The following SYCP1 variants were observed in gnomAD, a reference collection of about 807,000 sequenced individuals.
SYCP1 encodes cancer/testis antigen 8.
A neutral mutation model predicts 153.1 loss-of-function variants in SYCP1; 64 were observed. That is an observed-to-expected ratio of 0.42 (90% confidence interval 0.34 to 0.51). The LOEUF (loss-of-function observed/expected upper bound fraction) is 0.51, where lower values mean the gene tolerates loss of function less well. Ranked by LOEUF, SYCP1 falls within the 20% of genes least tolerant of loss-of-function variation. The pLI is 0.06. For synonymous variants in SYCP1, 384 were observed against 341.8 expected, an observed-to-expected ratio of 1.12 and a Z score of -1.36; for missense variants, 997 against 1,049.0, an observed-to-expected ratio of 0.95 and a Z score of 0.68.
intron 8 of SYCP1, among the ~76,000 whole-genome samples, chr1:114,866,083 T>G (rs949772178): frequency 5.3e-5 from 8 of 152,204 alleles, no homozygotes; most frequent in Non-Finnish European, 8.8e-5. Flanking sequence ...TCCATTCACT[T>G]ACTAAAGGAC....
chr1:114,944,717 C>T (rs1182217483), intron 24 of SYCP1, among the ~76,000 whole-genome samples, 155 bp from the exon 25 acceptor site: 1 of 151,676 alleles, frequency 6.6e-6, no homozygotes, highest in African/African-American at 2.4e-5. Flanking sequence ...CATAAAACAC[C>T]CCGAAAAAAC....
chr1:114,918,980 A>G (rs1205525791), intron 20 of SYCP1, among the ~76,000 whole-genome samples: 2 of 151,994 alleles, frequency 1.3e-5, no homozygotes, highest in African/African-American at 2.4e-5. Flanking sequence ...TTCTTTTCCA[A>G]TTTGAATGCC....
At chr1:114,928,211 A>C (rs1246485567) in intron 23 of SYCP1, among the ~76,000 whole-genome samples, 1 of 152,198 alleles carries the variant, frequency 6.6e-6, no homozygotes, top group East Asian at 1.9e-4. Context: ...AATCCAAAGC[A>C]AGATAGGCAC....
At chr1:114,880,982 T>TAG (rs1665877983) in intron 12 of SYCP1, among the ~76,000 whole-genome samples, 1 of 151,542 alleles carries the variant, frequency 6.6e-6, no homozygotes, top group Non-Finnish European at 1.5e-5. Context: ...TATCAAAAAT[T>TAG]TAAGTAGATA....
At chr1:114,938,841 A>C (rs1670203230) in intron 23 of SYCP1, among the ~76,000 whole-genome samples, 1 of 152,150 alleles carries the variant, frequency 6.6e-6, no homozygotes, top group African/African-American at 2.4e-5. Flanking sequence ...TAATCATTGC[A>C]AATCAAAATC....
intron 28 of SYCP1, 59 bp downstream of exon 28, chr1:114,977,675 A>G: frequency 2.7e-6 from 3 of 1,103,346 alleles, no homozygotes; most frequent in Non-Finnish European, 3.8e-6. Context: ...ACTTCTACTT[A>G]GAAATGATTT....
intron 23 of SYCP1, among the ~76,000 whole-genome samples, chr1:114,940,665 T>C (rs1453052465): frequency 6.6e-6 from 1 of 152,232 alleles, no homozygotes; most frequent in Non-Finnish European, 1.5e-5. Flanking sequence ...TTGAAATTTA[T>C]TGATATTTGC....
intron 8 of SYCP1, among the ~76,000 whole-genome samples, chr1:114,871,376 C>T (rs947168554): frequency 6.6e-6 from 1 of 151,960 alleles, no homozygotes; most frequent in Non-Finnish European, 1.5e-5. Context: ...TCATGTTGGC[C>T]AGGCTGGTCT....
At chr1:114,951,109 C>A (rs952588370) in intron 27 of SYCP1, among the ~76,000 whole-genome samples, 1 of 152,154 alleles carries the variant, frequency 6.6e-6, no homozygotes, top group African/African-American at 2.4e-5. Context: ...CAGGCGTGAG[C>A]CACCACGCCC....
intron 12 of SYCP1, among the ~76,000 whole-genome samples, chr1:114,881,164 A>G (rs910822036): frequency 6.6e-6 from 1 of 151,956 alleles, no homozygotes. Context: ...TAGTGCTACA[A>G]TATGTGTATT....
rs144859838 is a variant in SYCP1, at chr1:114,942,611, G to T, written c.1927-1728G>T. Among the ~76,000 whole-genome samples the T allele has an allele frequency of 1.6e-3, 250 of 151,996 alleles. 2 individuals are homozygous for T. The highest frequency in any genetic ancestry group is 5.7e-3 in the African/African-American group (237 of 41,524). ...AGAAGTGATATTGCAGATATGTAGTGCTAGAACATTTGACTATCTATATGG... is the reference window on the plus strand; with the variant it reads ...AGAAGTGATATTGCAGATATGTAGTTCTAGAACATTTGACTATCTATATGG... On this transcript the variant is annotated intron_variant, in intron 23 of 31. Coordinates refer to ENST00000369522, the MANE Select transcript of SYCP1 (RefSeq NM_003176.4).
chr1:114,859,174 G>A (rs561963418), intron 6 of SYCP1, among the ~76,000 whole-genome samples: 3 of 152,106 alleles, frequency 2.0e-5, no homozygotes, highest in Non-Finnish European at 4.4e-5. Flanking sequence ...TGCAACCTTC[G>A]CCTCCCTGGT....
At position 114,886,218 on chromosome 1, in the gene SYCP1, A is replaced by G. The variant is rs1415550348; in HGVS notation, c.1099A>G (p.Asn367Asp). Residue 367 changes from asparagine (N) to aspartate (D), a missense_variant, in exon 14 of 32, where the codon AAT becomes GAT. Asn to Asp is a conservative substitution (Grantham distance 23, BLOSUM62 1). Transcript: ENST00000369522. ...EEKETQMEES[N>D]KARAAHSFVV... is the part of the protein sequence containing the mutation. ...AAAAGAAACTCAAATGGAAGAATCT[A>G]ATAAAGCTAGAGCTGCTCATTCGTT... 2.5e-6 allele frequency: 4 copies of G among 1,611,986 alleles called. No homozygotes were observed. In the African/African-American group the frequency reaches 4.0e-5, roughly 16 times the overall value.
At chr1:114,923,642 C>T (rs1669053401) in intron 21 of SYCP1, 112 bp downstream of exon 21, 3 of 1,084,804 alleles carry the variant, frequency 2.8e-6, no homozygotes, top group African/African-American at 1.7e-5. Context: ...TAATAGTGAT[C>T]TAGAGACTGT....
intron 9 of SYCP1, among the ~76,000 whole-genome samples, chr1:114,875,819 A>G (rs1665490908): frequency 6.6e-6 from 1 of 152,214 alleles, no homozygotes. Context: ...TGGCTGGTGT[A>G]CCAACAATCC....
chr1:114,966,693 T>G (rs1032182205), intron 27 of SYCP1, among the ~76,000 whole-genome samples: 1 of 151,548 alleles, frequency 6.6e-6, no homozygotes, highest in Non-Finnish European at 1.5e-5. Flanking sequence ...TTCTTTCTTT[T>G]TTTTTTTTTT....
chr1:114,966,162 T>C (rs570962096), intron 27 of SYCP1, among the ~76,000 whole-genome samples: 1 of 152,302 alleles, frequency 6.6e-6, no homozygotes, highest in South Asian at 2.1e-4. Context: ...TGATGGTAGT[T>C]TCTGTTTCTG....
rs192012782 is a variant in SYCP1, at chr1:114,967,058, G to A, written c.2323-10499G>A. Among the ~76,000 whole-genome samples the A allele has an allele frequency of 6.6e-5, 10 of 152,196 alleles. No homozygotes were observed. In the East Asian group the frequency reaches 1.2e-3, roughly 18 times the overall value. ...TGAGAGACTGTTTGTAATGATTTCC[G>A]TTCTTTTGCATTTGCTGAGGGTGTT... On this transcript the variant is annotated intron_variant, in intron 27 of 31. Transcript: ENST00000369522.
intron 23 of SYCP1, among the ~76,000 whole-genome samples, chr1:114,930,276 G>A (rs1191533515): frequency 1.3e-5 from 2 of 151,886 alleles, no homozygotes; most frequent in African/African-American, 2.4e-5. Flanking sequence ...AACTAAAAAA[G>A]TGAGCAAATT....
Sources: allele counts gnomAD v4.1 joint callset (sites outside exome capture counted in the v4.1 genomes callset), GRCh38; gene constraint gnomAD v4.1.1; transcripts MANE v1.5; gene names NCBI Gene and HGNC (gene_info 2026-07-23, HGNC 2026-07-21).